CEP57: variants seen among roughly 807,000 people sequenced by gnomAD.
CEP57 encodes centrosomal protein of 57 kDa.
Under a neutral mutation model 68.0 loss-of-function variants are expected in CEP57, and 40 were observed. The ratio of observed to expected loss-of-function variants is 0.59; its 90% CI spans 0.46 to 0.77. CEP57 has a LOEUF of 0.77. CEP57 is among the 30% of genes least tolerant of loss of function. The pLI, the probability that CEP57 is intolerant of heterozygous loss-of-function variation, is 0.00. For synonymous variants in CEP57, 219 were observed against 198.7 expected (o/e 1.10, Z -0.86); for missense variants, 606 against 580.7 (o/e 1.04, Z -0.45).
At chr11:95,822,025 A>G (rs1229818475) in intron 7 of CEP57, 47 bp downstream of exon 7, 3 of 1,291,012 alleles carry the variant, frequency 2.3e-6, no homozygotes, top group Non-Finnish European at 3.4e-6. Context: ...TACTTGGTAT[A>G]GTTTATGTCA....
At chr11:95,798,008 T>C (rs965558620) in intron 1 of CEP57, among the ~76,000 whole-genome samples, 1 of 152,216 alleles carries the variant, frequency 6.6e-6, no homozygotes, top group African/African-American at 2.4e-5. Flanking sequence ...AATTGAAAAC[T>C]CATCCTATTT....
chr11:95,790,326 C>G (rs976233298), upstream of CEP57: 3 of 364,684 alleles, frequency 8.2e-6, no homozygotes, highest in Admixed American at 1.3e-4. Context: ...AGGCCCGACC[C>G]TCCGTAGAAT....
chr11:95,812,773 C>T, intron 2 of CEP57, 159 bp from the exon 3 acceptor site: 1 of 722,334 alleles, frequency 1.4e-6, no homozygotes. Context: ...TTTTAAAAAA[C>T]AAATATGAGA....
intron 1 of CEP57, among the ~76,000 whole-genome samples, chr11:95,792,122 G>A (rs1861110438): frequency 6.6e-6 from 1 of 152,182 alleles, no homozygotes. Context: ...TTAGAAGTTT[G>A]CAGAGAGGTC....
At chr11:95,819,033 A>G in intron 6 of CEP57, 129 bp downstream of exon 6, 3 of 749,308 alleles carry the variant, frequency 4.0e-6, no homozygotes, top group African/African-American at 1.8e-5. Context: ...ATTTTCAGAT[A>G]TAGGTTAATG....
At chr11:95,803,452 A>T (rs1861661988) in intron 2 of CEP57, among the ~76,000 whole-genome samples, 1 of 152,200 alleles carries the variant, frequency 6.6e-6, no homozygotes, top group Non-Finnish European at 1.5e-5. Flanking sequence ...TTTGGAAAAT[A>T]CCACCATTAA....
At chr11:95,797,282 T>A (rs1302773486) in intron 1 of CEP57, among the ~76,000 whole-genome samples, 1 of 151,646 alleles carries the variant, frequency 6.6e-6, no homozygotes, top group Non-Finnish European at 1.5e-5. Flanking sequence ...TTCTCCTGCC[T>A]TGGCTTCCTG....
chr11:95,811,184 C>T (rs1436630430), intron 2 of CEP57, among the ~76,000 whole-genome samples: 1 of 152,110 alleles, frequency 6.6e-6, no homozygotes, highest in Non-Finnish European at 1.5e-5. Flanking sequence ...TGGAACCAGC[C>T]TAAATGTCCA....
intron 2 of CEP57, among the ~76,000 whole-genome samples, chr11:95,807,537 G>A (rs1287248594): frequency 6.6e-6 from 1 of 152,190 alleles, no homozygotes; most frequent in Non-Finnish European, 1.5e-5. Flanking sequence ...ACCTGATGGA[G>A]CTGAAAACCA....
intron 6 of CEP57, among the ~76,000 whole-genome samples, chr11:95,819,174 A>G (rs1239731391): frequency 1.3e-5 from 2 of 152,234 alleles, no homozygotes; most frequent in Non-Finnish European, 2.9e-5. Flanking sequence ...GACTACACAC[A>G]TAAGAAGGTA....
intron 10 of CEP57, 143 bp downstream of exon 10, chr11:95,829,474 A>G (rs1052128552): frequency 2.3e-6 from 2 of 878,938 alleles, no homozygotes; most frequent in Admixed American, 2.2e-5. Context: ...TTGTTCATTG[A>G]GAATTGGTAA....
At chr11:95,813,262 C>G (rs1841803570) in intron 3 of CEP57, 151 bp downstream of exon 3, 1 of 1,004,788 alleles carries the variant, frequency 1.0e-6, no homozygotes, top group Admixed American at 2.2e-5. Context: ...GGAGCAAATG[C>G]TGTTGTCATA....
intron 1 of CEP57, 111 bp downstream of exon 1, chr11:95,790,854 G>C: frequency 7.8e-7 from 1 of 1,277,452 alleles, no homozygotes; most frequent in Non-Finnish European, 1.1e-6. Flanking sequence ...TCTGGAGGTC[G>C]GCGGGAATGC....
chr11:95,822,573 G>A lies in CEP57; in HGVS notation c.882G>A (p.Gly294=). ...TGGGTGATATGCCATTTGTAGCTGG[G>A]AAGGTGAGTTGGTCAAACTCCGGAT... ...LCLGDMPFVA[G]KSTSPSHAVV... The change falls in exon 8 of 11, where the codon GGG becomes GGA. Residue 294 remains glycine, a synonymous_variant. Transcript: ENST00000325542. 6.2e-7 allele frequency: 1 copy of A among 1,613,236 alleles called. No homozygotes were observed. The highest frequency in any genetic ancestry group is 8.5e-7 in the Non-Finnish European group (1 of 1,179,258).
In CEP57 at chr11:95,831,259, C is replaced by T. The variant is rs368253850; in HGVS notation, c.*3C>T. 1.1e-5 allele frequency: 17 copies of T among 1,595,200 alleles called. No individual in the cohort carries two copies. In the African/African-American group the frequency reaches 1.1e-4, roughly 10 times the overall value. ...GTAGTTTGTGTTGGGATTACTGACT[C>T]ATAACCAGGTCAGAAATTTTATTCA... On this transcript the variant is annotated 3_prime_UTR_variant, in exon 11 of 11. Coordinates refer to ENST00000325542, the MANE Select transcript of CEP57 (RefSeq NM_014679.5).
At chr11:95,809,584 A>C (rs1475859125) in intron 2 of CEP57, among the ~76,000 whole-genome samples, 2 of 152,236 alleles carry the variant, frequency 1.3e-5, no homozygotes, top group South Asian at 4.1e-4. Flanking sequence ...CTACGCAAAT[A>C]AACTAGAAAA....
At chr11:95,797,993 T>C (rs1177811192) in intron 1 of CEP57, among the ~76,000 whole-genome samples, 1 of 152,232 alleles carries the variant, frequency 6.6e-6, no homozygotes, top group African/African-American at 2.4e-5. Flanking sequence ...GACAATATTA[T>C]AAAGAATTGA....
intron 4 of CEP57, among the ~76,000 whole-genome samples, 195 bp downstream of exon 4, chr11:95,813,784 A>C (rs1009189363): frequency 2.0e-5 from 3 of 152,198 alleles, no homozygotes; most frequent in Non-Finnish European, 4.4e-5. Flanking sequence ...GTAGAGTTTT[A>C]CTTAAATGGT....
intron 2 of CEP57, among the ~76,000 whole-genome samples, chr11:95,810,042 C>T (rs1861985190): frequency 6.6e-6 from 1 of 152,108 alleles, no homozygotes; most frequent in South Asian, 2.1e-4. Flanking sequence ...AAGGCTGGTT[C>T]AACGTACACA....
Sources: gnomAD v4.1 joint callset for allele counts (sites outside exome capture counted in the v4.1 genomes callset) on GRCh38, gnomAD v4.1.1 for gene constraint, MANE v1.5 for transcripts, NCBI Gene and HGNC (gene_info 2026-07-23, HGNC 2026-07-21) for gene names.